RICTOR: variants seen among roughly 807,000 people sequenced by gnomAD.
RICTOR encodes the protein rapamycin-insensitive companion of mTOR.
A neutral mutation model predicts 214.9 loss-of-function variants in RICTOR; 49 were observed. The observed-to-expected ratio is 0.23, with a 90% CI of 0.18 to 0.29. The LOEUF is 0.29. Ranked by LOEUF, RICTOR falls within the 10% of genes least tolerant of loss-of-function variation. RICTOR has a pLI of 1.00. For synonymous variants in RICTOR, 717 were observed against 711.3 expected, an observed-to-expected ratio of 1.01 and a Z score of -0.13; for missense variants, 1,625 against 2,047.0, an observed-to-expected ratio of 0.79 and a Z score of 3.98.
At chr5:39,032,134 G>C (rs940981565) in intron 2 of RICTOR, among the ~76,000 whole-genome samples, 1 of 152,116 alleles carries the variant, frequency 6.6e-6, no homozygotes, top group African/African-American at 2.4e-5. Context: ...AATTTGCCAA[G>C]AGAACCTATT....
chr5:38,987,315 T>C (rs1330981949), intron 7 of RICTOR, among the ~76,000 whole-genome samples: 1 of 152,226 alleles, frequency 6.6e-6, no homozygotes, highest in African/African-American at 2.4e-5. Context: ...CTCCTCTTTG[T>C]ACCTCTGGTA....
chr5:39,072,273 A>C (rs763994462), intron 2 of RICTOR, among the ~76,000 whole-genome samples: 3 of 152,188 alleles, frequency 2.0e-5, no homozygotes, highest in Non-Finnish European at 2.9e-5. Context: ...CTAAATTCTC[A>C]GTTAATATGG....
chr5:38,980,745 T>A (rs1029553175), intron 8 of RICTOR: 1 of 151,510 alleles, frequency 6.6e-6, no homozygotes, highest in African/African-American at 2.4e-5. Flanking sequence ...ACTCAGGAGG[T>A]TGACATGGAA....
At chr5:39,071,524 A>G (rs1580243705) in intron 2 of RICTOR, among the ~76,000 whole-genome samples, 1 of 152,352 alleles carries the variant, frequency 6.6e-6, no homozygotes, top group East Asian at 1.9e-4. Flanking sequence ...TACTTTAATT[A>G]AGAACTAGCT....
In RICTOR at chr5:39,002,388, G is replaced by C. The variant is rs542627951; in HGVS notation, c.392+147C>G. On this transcript the variant is annotated intron_variant, in intron 5 of 37. Coordinates refer to ENST00000357387, the MANE Select transcript of RICTOR (RefSeq NM_152756.5). ...TCTAAATCTTGTTACTTGGTTGTGT[G>C]TGTGTGTGTGTGTATATATATATAT... 6.2e-6 allele frequency: 3 copies of C among 483,564 alleles called. No individual in the cohort carries two copies. The Admixed American group carries it at 1.1e-4, about 17-fold the overall frequency. The allele number at this position is 483,564 out of a possible 1,614,324, so 30.0% of individuals were successfully genotyped here.
At chr5:39,004,024 C>T (rs946163491) in intron 3 of RICTOR, among the ~76,000 whole-genome samples, 12 of 152,184 alleles carry the variant, frequency 7.9e-5, no homozygotes, top group African/African-American at 1.9e-4. Flanking sequence ...TCTCCCCTCA[C>T]ATTTCACTTT....
rs1358798082 is a variant in RICTOR, at chr5:39,038,587, A to G, written c.98-17451T>C. Among the ~76,000 whole-genome samples the G allele has an allele frequency of 9.8e-5, 15 of 152,330 alleles. No homozygotes were observed. The East Asian group carries it at 2.7e-3, about 27-fold the overall frequency. ...TAGAAAACCCCATTGTCTCAGCCCA[A>G]AATCTCCTTAAGCTGATAAGTAACT... On this transcript the variant is annotated intron_variant, in intron 2 of 37. Coordinates refer to ENST00000357387, the MANE Select transcript of RICTOR (RefSeq NM_152756.5).
intron 7 of RICTOR, among the ~76,000 whole-genome samples, chr5:38,988,385 G>C (rs1281893525): frequency 6.6e-6 from 1 of 152,012 alleles, no homozygotes; most frequent in Non-Finnish European, 1.5e-5. Flanking sequence ...CCTATATTGG[G>C]TGCATATATA....
In RICTOR at chr5:38,967,231, G is replaced by C. The variant is rs1561470894; in HGVS notation, c.1152-4C>G. The C allele has an allele frequency of 6.2e-7, 1 of 1,611,682 alleles. No homozygotes were observed. The highest frequency in any genetic ancestry group is 8.5e-7 in the Non-Finnish European group (1 of 1,178,000). ...ATAATTATCCATGAGGTCTGGCCTG[G>C]AAAAAACAGCACAGAAACAATTTAA... On this transcript the variant is annotated splice_polypyrimidine_tract_variant and splice_region_variant and intron_variant, in intron 13 of 37. Coordinates refer to ENST00000357387, the MANE Select transcript of RICTOR (RefSeq NM_152756.5).
At chr5:39,056,414 C>T (rs902257832) in intron 2 of RICTOR, among the ~76,000 whole-genome samples, 10 of 152,002 alleles carry the variant, frequency 6.6e-5, no homozygotes, top group Admixed American at 6.6e-4. Context: ...ACAGATGGAT[C>T]GCTTGAGCCC....
chr5:38,957,671 T>C lies in RICTOR; in HGVS notation c.2480A>G (p.Gln827Arg). 6.3e-7 allele frequency: 1 copy of C among 1,578,312 alleles called. No individual in the cohort carries two copies. The highest frequency in any genetic ancestry group is 8.7e-7 in the Non-Finnish European group (1 of 1,155,054). The change falls in exon 25 of 38, where the codon CAA becomes CGA. Residue 827 changes from glutamine (Q) to arginine (R), a missense_variant. Gln to Arg is a conservative substitution (Grantham distance 43, BLOSUM62 1). Transcript: ENST00000357387. The stretch of plus-strand genomic sequence containing the variant: ...AGTTACCCTGTGCCACTTTTCCAAT[T>C]GTTTTGCTACATAACCTCTTTCATT... ...YLNERGYVAKQLEKWHREYNS... is the reference protein window; with the variant it reads ...YLNERGYVAKRLEKWHREYNS...
chr5:39,048,574 A>C (rs940645473), intron 2 of RICTOR, among the ~76,000 whole-genome samples: 9 of 152,146 alleles, frequency 5.9e-5, no homozygotes, highest in Non-Finnish European at 1.3e-4. Flanking sequence ...TCATAACTGG[A>C]GGGAACTAGC....
chr5:39,043,841 G>A (rs546144444), intron 2 of RICTOR, among the ~76,000 whole-genome samples: 15 of 152,200 alleles, frequency 9.9e-5, no homozygotes, highest in African/African-American at 2.9e-4. Context: ...ACATTAGCAC[G>A]CTCAGCCCCC....
intron 2 of RICTOR, among the ~76,000 whole-genome samples, chr5:39,072,415 A>T (rs1227314289): frequency 6.6e-6 from 1 of 152,212 alleles, no homozygotes; most frequent in African/African-American, 2.4e-5. Context: ...ACCACTATAT[A>T]TAGGAGCTCG....
intron 2 of RICTOR, among the ~76,000 whole-genome samples, chr5:39,037,648 C>T (rs1449932073): frequency 3.9e-5 from 6 of 152,184 alleles, no homozygotes; most frequent in Non-Finnish European, 5.9e-5. Context: ...CACCACCAAT[C>T]CCACAGACAT....
Position 38,961,712 on chromosome 5 carries a change from T to A in RICTOR, c.1715+603A>T, listed in dbSNP as rs1579924409. On this transcript the variant is annotated intron_variant, in intron 19 of 37. Transcript: ENST00000357387. Reference sequence around the variant, plus strand: ...AAACTTTTATAGATATTAGGTTACATATCATGAATACAGAATGCAATCAAA... The same window carrying A: ...AAACTTTTATAGATATTAGGTTACAAATCATGAATACAGAATGCAATCAAA... Among the ~76,000 whole-genome samples, 13 of 152,260 alleles carry A rather than the reference T, an allele frequency of 8.5e-5. 1 individual carries two copies. The South Asian group carries it at 2.5e-3, about 29-fold the overall frequency.
Position 38,945,733 on chromosome 5 carries a change from A to T in RICTOR, c.4400-9T>A. On this transcript the variant is annotated splice_polypyrimidine_tract_variant and intron_variant, in intron 33 of 37. Coordinates refer to ENST00000357387, the MANE Select transcript of RICTOR (RefSeq NM_152756.5). ...AGTTCCAGATGGAAGACCTGTGCAT[A>T]AGTAAATATAAAACATAATCCAATA... 7.2e-7 allele frequency: 1 copy of T among 1,396,440 alleles called. No homozygotes were observed. The highest frequency in any genetic ancestry group is 1.0e-6 in the Non-Finnish European group (1 of 987,828). 86.5% of individuals were successfully genotyped at this position (1,396,440 alleles called of 1,614,324 possible).
chr5:39,058,364 AAAAC>A, intron 2 of RICTOR, among the ~76,000 whole-genome samples: 1 of 152,176 alleles, frequency 6.6e-6, no homozygotes, highest in Non-Finnish European at 1.5e-5. Context: ...GAGAGAAACA[AAAAC>A]AAGGCAGAAA....
chr5:39,012,191 C>T (rs944881525), intron 3 of RICTOR, among the ~76,000 whole-genome samples: 3 of 152,092 alleles, frequency 2.0e-5, no homozygotes, highest in Non-Finnish European at 2.9e-5. Flanking sequence ...TCACTATCAC[C>T]GCTTTTATAA....
Sources: gnomAD v4.1 joint callset for allele counts (sites outside exome capture counted in the v4.1 genomes callset) on GRCh38, gnomAD v4.1.1 for gene constraint, MANE v1.5 for transcripts, NCBI Gene and HGNC (gene_info 2026-07-23, HGNC 2026-07-21) for gene names.